PPP2R2B: variants seen among roughly 807,000 people sequenced by gnomAD.
PPP2R2B encodes the protein serine/threonine-protein phosphatase 2A 55 kDa regulatory subunit B beta isoform.
A neutral mutation model predicts 46.0 loss-of-function variants in PPP2R2B; 5 were observed. That is an observed-to-expected ratio of 0.11 (90% CI 0.06 to 0.23). The LOEUF is 0.23. Among genes scored for constraint, PPP2R2B ranks in the 10% least tolerant of loss-of-function variants. The pLI, the probability that PPP2R2B is intolerant of heterozygous loss-of-function variation, is 1.00. For synonymous variants in PPP2R2B, 215 were observed against 206.7 expected, an observed-to-expected ratio of 1.04 and a Z score of -0.34; for missense variants, 367 against 575.0, an observed-to-expected ratio of 0.64 and a Z score of 3.70.
chr5:147,012,434 T>C (rs920138708), intron 1 of PPP2R2B, among the ~76,000 whole-genome samples: 1 of 152,166 alleles, frequency 6.6e-6, no homozygotes, highest in African/African-American at 2.4e-5. Context: ...ATCCCCTTTA[T>C]CATTTTTTAT....
intron 5 of PPP2R2B, among the ~76,000 whole-genome samples, chr5:146,679,453 C>G (rs1581856691): frequency 1.5e-4 from 1 of 6,892 alleles, no homozygotes; most frequent in Non-Finnish European, 2.0e-4. Context: ...AGAAGAAAAC[C>G]TAGGCATTAC....
intron 2 of PPP2R2B, among the ~76,000 whole-genome samples, chr5:146,833,377 A>G (rs1413905807): frequency 1.3e-5 from 2 of 152,200 alleles, no homozygotes; most frequent in African/African-American, 4.8e-5. Flanking sequence ...GCCTTTCACT[A>G]GTCACAGCAA....
chr5:146,952,675 C>T (rs954604601), intron 1 of PPP2R2B, among the ~76,000 whole-genome samples: 2 of 152,120 alleles, frequency 1.3e-5, no homozygotes, highest in Non-Finnish European at 2.9e-5. Flanking sequence ...TTGCTTGCAA[C>T]TGAAGAACTC....
rs1762795761 is a variant in PPP2R2B at position 146,900,554 on chromosome 5, T to TTCCTTCCTTCCTTCCTTCCTTCCTTC, written c.79+155110_79+155111insGAAGGAAGGAAGGAAGGAAGGAAGGA. 5.9e-4 allele frequency among the ~76,000 whole-genome samples: 65 copies of TTCCTTCCTTCCTTCCTTCCTTCCTTC among 110,130 alleles called. 2 individuals are homozygous for TTCCTTCCTTCCTTCCTTCCTTCCTTC. Among genetic ancestry groups the TTCCTTCCTTCCTTCCTTCCTTCCTTC allele is most frequent in the South Asian group, 1.4e-3 (4 of 2,856 alleles). The allele number at this position is 110,130 out of a possible 152,430, so 72.2% of individuals were successfully genotyped here. On this transcript the variant is annotated intron_variant, in intron 1 of 8. Coordinates refer to the PPP2R2B transcript ENST00000336640. ...TCCTTTCCTTTCTTTTTCCTTCCTT[T>TTCCTTCCTTCCTTCCTTCCTTCCTTC]CTTCCTTCCTTCCTTCCTTCCTTCC... is the stretch of plus-strand genomic sequence containing the variant.
intron 1 of PPP2R2B, among the ~76,000 whole-genome samples, chr5:146,979,341 C>A (rs1460873762): frequency 6.6e-6 from 1 of 152,094 alleles, no homozygotes; most frequent in Non-Finnish European, 1.5e-5. Flanking sequence ...CCATAGAATT[C>A]ATCATTTTAT....
intron 1 of PPP2R2B, among the ~76,000 whole-genome samples, chr5:146,959,605 G>T (rs982991681): frequency 6.6e-6 from 1 of 152,170 alleles, no homozygotes; most frequent in African/African-American, 2.4e-5. Context: ...CAGGAGCTAA[G>T]TCAGCTGGGA....
chr5:146,862,432 C>T lies in PPP2R2B; in HGVS notation c.70+15570G>A, dbSNP rs557364273. On this transcript the variant is annotated intron_variant, in intron 2 of 9. Transcript: ENST00000394411. ...GCAGGATCTGTGTCTTTAGATCTAG[C>T]TGTCTGAACTTGGACCTCAGTTGCC... 2.6e-5 allele frequency among the ~76,000 whole-genome samples: 4 copies of T among 152,278 alleles called. No homozygotes were observed. In the East Asian group the frequency reaches 7.7e-4, roughly 29 times the overall value.
At chr5:146,788,130 G>A (rs1023502601) in intron 2 of PPP2R2B, among the ~76,000 whole-genome samples, 1 of 152,042 alleles carries the variant, frequency 6.6e-6, no homozygotes, top group East Asian at 1.9e-4. Context: ...TGCGCAAGTT[G>A]CCTCCAGTTT....
At chr5:147,045,407 G>A (rs922383829) in intron 1 of PPP2R2B, among the ~76,000 whole-genome samples, 5 of 152,120 alleles carry the variant, frequency 3.3e-5, no homozygotes, top group Non-Finnish European at 5.9e-5. Flanking sequence ...TGCTGTACAG[G>A]TTTGTAGCCT....
intron 2 of PPP2R2B, among the ~76,000 whole-genome samples, chr5:146,778,183 T>C (rs978422073): frequency 2.0e-5 from 3 of 152,232 alleles, no homozygotes; most frequent in Non-Finnish European, 4.4e-5. Flanking sequence ...TCTGGTGATG[T>C]CTCTACTGAA....
At chr5:146,760,949 C>A (rs1343809863) in intron 2 of PPP2R2B, among the ~76,000 whole-genome samples, 1 of 152,162 alleles carries the variant, frequency 6.6e-6, no homozygotes, top group East Asian at 1.9e-4. Context: ...AAATGCAAAT[C>A]AAAACCACAA....
intron 2 of PPP2R2B, among the ~76,000 whole-genome samples, chr5:146,753,665 G>A (rs1173127812): frequency 6.6e-6 from 1 of 152,092 alleles, no homozygotes; most frequent in Non-Finnish European, 1.5e-5. Flanking sequence ...TGAGAAGTGG[G>A]AGGACCCAGA....
intron 2 of PPP2R2B, among the ~76,000 whole-genome samples, chr5:146,870,494 C>T (rs1336633549): frequency 6.6e-6 from 1 of 152,186 alleles, no homozygotes; most frequent in Non-Finnish European, 1.5e-5. Flanking sequence ...TCACCAGAAA[C>T]CAACCATGCT....
In PPP2R2B at chr5:146,589,716, G is replaced by C. The variant is rs141447016; in HGVS notation, c.*231C>G. 7,404 of 510,978 alleles carry C rather than the reference G, an allele frequency of 0.014. 90 individuals are homozygous for C. The highest frequency in any genetic ancestry group is 0.02 in the Non-Finnish European group (5,894 of 289,498). The allele number at this position is 510,978 out of a possible 1,614,324, so 31.7% of individuals were successfully genotyped here. ...TCAAGTCAACTATGGAAGAATTACT[G>C]TTAGCTGGCAGCTTTCAATTCTAAA... On this transcript the variant is annotated 3_prime_UTR_variant, in exon 10 of 10. Coordinates refer to ENST00000394411, the MANE Select transcript of PPP2R2B (RefSeq NM_181675.4).
chr5:146,783,753 C>T (rs1329355366), intron 2 of PPP2R2B, among the ~76,000 whole-genome samples: 4 of 152,112 alleles, frequency 2.6e-5, no homozygotes, highest in Admixed American at 6.5e-5. Flanking sequence ...TTCCCATGAA[C>T]CAGAAATGAA....
intron 6 of PPP2R2B, among the ~76,000 whole-genome samples, chr5:146,648,548 C>T (rs1775732366): frequency 6.6e-6 from 1 of 152,120 alleles, no homozygotes; most frequent in Non-Finnish European, 1.5e-5. Flanking sequence ...GTTCCACGTA[C>T]TGGAATACAG....
At chr5:146,950,418 A>T (rs1246198355) in intron 1 of PPP2R2B, among the ~76,000 whole-genome samples, 3 of 152,166 alleles carry the variant, frequency 2.0e-5, no homozygotes, top group East Asian at 3.9e-4. Context: ...TGTTCTACTT[A>T]TCCAAAATTA....
At position 146,817,530 on chromosome 5, in the gene PPP2R2B, A is replaced by T. The variant is rs575208082; in HGVS notation, c.70+60472T>A. On this transcript the variant is annotated intron_variant, in intron 2 of 9. Transcript: ENST00000394411. Reference sequence around the variant, plus strand: ...ATTGATATTTCCGTCATCTCACACAATTTTTTTTTATTGTGAGCCTTTTCC... The same window carrying T: ...ATTGATATTTCCGTCATCTCACACATTTTTTTTTTATTGTGAGCCTTTTCC... 2.0e-5 allele frequency among the ~76,000 whole-genome samples: 3 copies of T among 151,922 alleles called. No individual in the cohort carries two copies. The East Asian group carries it at 5.8e-4, about 29-fold the overall frequency.
At chr5:146,960,568 T>A (rs944952047) in intron 1 of PPP2R2B, among the ~76,000 whole-genome samples, 6 of 152,002 alleles carry the variant, frequency 3.9e-5, no homozygotes, top group Admixed American at 2.6e-4. Context: ...ATCTTTTAAA[T>A]AAAAGTCGCT....
Sources: gnomAD v4.1 joint callset for allele counts (sites outside exome capture counted in the v4.1 genomes callset) on GRCh38, gnomAD v4.1.1 for gene constraint, MANE v1.5 for transcripts, NCBI Gene and HGNC (gene_info 2026-07-23, HGNC 2026-07-21) for gene names.